IL1R2: variants seen among roughly 807,000 people sequenced by gnomAD.
IL1R2 encodes interleukin 1 receptor type 2.
IL1R2 carries 46 observed loss-of-function variants against 39.5 expected under a neutral mutation model. That is an observed-to-expected ratio of 1.16 (90% CI 0.92 to 1.49). The LOEUF (loss-of-function observed/expected upper bound fraction) is 1.49, where lower values mean the gene tolerates loss of function less well. IL1R2 is among the 40% of genes most tolerant of loss of function. IL1R2 has a pLI of 0.00. For missense variants in IL1R2, 537 were observed against 502.0 expected (o/e 1.07, Z -0.67); for synonymous variants, 207 against 189.6 (o/e 1.09, Z -0.75).
chr2:102,021,339 G>A (rs1228183854), intron 5 of IL1R2, among the ~76,000 whole-genome samples: 2 of 143,906 alleles, frequency 1.4e-5, no homozygotes, highest in Non-Finnish European at 3.0e-5. Context: ...TTTTTGAGGC[G>A]GAGTCTCGCT....
At chr2:101,999,905 T>A (rs964094010) in intron 1 of IL1R2, among the ~76,000 whole-genome samples, 1 of 152,250 alleles carries the variant, frequency 6.6e-6, no homozygotes, top group Admixed American at 6.5e-5. Context: ...AAGTAAATAT[T>A]TATAGAACAC....
chr2:102,022,227 C>T lies in IL1R2; in HGVS notation c.729C>T (p.Leu243=). The stretch of plus-strand genomic sequence containing the variant: ...CCATTCCTGTGATCATTTCCCCCCT[C>T]AAGACCATATCAGCTTCTCTGGGTA... The part of the protein sequence containing the change: ...EETIPVIISP[L]KTISASLGSR... The change falls in exon 6 of 9, where the codon CTC becomes CTT. Residue 243 remains leucine (L), a synonymous_variant. Transcript: ENST00000332549. The T allele has an allele frequency of 1.2e-6, 2 of 1,613,826 alleles. No individual in the cohort carries two copies. Among genetic ancestry groups the T allele is most frequent in the South Asian group, 2.2e-5 (2 of 91,074 alleles).
At chr2:102,009,168 G>A (rs1412636243) in intron 2 of IL1R2, among the ~76,000 whole-genome samples, 2 of 152,182 alleles carry the variant, frequency 1.3e-5, no homozygotes, top group South Asian at 2.1e-4. Flanking sequence ...TTAACCATAC[G>A]ACGTGCCAGA....
At chr2:102,003,457 G>A (rs369702515) in intron 1 of IL1R2, among the ~76,000 whole-genome samples, 1 of 106,532 alleles carries the variant, frequency 9.4e-6, no homozygotes, top group African/African-American at 3.6e-5. Flanking sequence ...TGTGGCTGTG[G>A]CTGTGTCTGT....
At chr2:102,013,954 A>G (rs1676828043) in intron 3 of IL1R2, among the ~76,000 whole-genome samples, 1 of 152,162 alleles carries the variant, frequency 6.6e-6, no homozygotes, top group South Asian at 2.1e-4. Context: ...GGTGAGCAGC[A>G]CTACGAATGA....
At chr2:101,995,104 G>A (rs528055220) in intron 1 of IL1R2, among the ~76,000 whole-genome samples, 3 of 152,328 alleles carry the variant, frequency 2.0e-5, no homozygotes, top group East Asian at 3.9e-4. Context: ...TTCTGTGGAA[G>A]TAATTTAGGT....
At chr2:102,022,040 G>A (rs1577729977) in intron 5 of IL1R2, 147 bp from the exon 6 acceptor site, 5 of 689,550 alleles carry the variant, frequency 7.3e-6, no homozygotes, top group Admixed American at 2.5e-5. Context: ...TAGAGAGCCT[G>A]TTTCCTTTGC....
intron 4 of IL1R2, chr2:102,016,310 T>G (rs1258922228): frequency 6.6e-6 from 2 of 301,098 alleles, no homozygotes; most frequent in Admixed American, 4.7e-5. Context: ...CAGTGCATCA[T>G]CTACTGTCAC....
At position 102,000,260 on chromosome 2, in the gene IL1R2, C is replaced by T. The variant is rs527943922; in HGVS notation, c.-62+8249C>T. ...CTCATTACATATGGTGTGACATCTACTCCTCCTGTAGTGCACACCAGGGTA... is the reference window on the plus strand; with the variant it reads ...CTCATTACATATGGTGTGACATCTATTCCTCCTGTAGTGCACACCAGGGTA... On this transcript the variant is annotated intron_variant, in intron 1 of 8. Transcript: ENST00000332549. Among the ~76,000 whole-genome samples, 5 of 152,334 alleles carry T rather than the reference C, an allele frequency of 3.3e-5. No homozygotes were observed. The Middle Eastern group carries it at 0.017, about 518-fold the overall frequency.
At chr2:101,994,126 T>C (rs1459052586) in intron 1 of IL1R2, among the ~76,000 whole-genome samples, 1 of 152,208 alleles carries the variant, frequency 6.6e-6, no homozygotes, top group East Asian at 1.9e-4. Context: ...TTGGTTACCC[T>C]AAAAGGCAAG....
chr2:102,005,678 C>T (rs759872879), intron 1 of IL1R2, among the ~76,000 whole-genome samples: 38 of 152,208 alleles, frequency 2.5e-4, no homozygotes, highest in Non-Finnish European at 1.2e-4. Flanking sequence ...CATGACACTT[C>T]CACTTACATC....
intron 1 of IL1R2, among the ~76,000 whole-genome samples, chr2:102,000,346 C>T (rs1212577113): frequency 1.3e-5 from 2 of 152,222 alleles, no homozygotes; most frequent in Non-Finnish European, 2.9e-5. Flanking sequence ...GCCCACCACC[C>T]TGCTGCTGGC....
chr2:102,021,408 C>T (rs576005010), intron 5 of IL1R2, among the ~76,000 whole-genome samples: 3 of 151,820 alleles, frequency 2.0e-5, no homozygotes, highest in South Asian at 2.1e-4. Flanking sequence ...CTCTACCTCC[C>T]GGGTTCAAGC....
At chr2:101,997,674 C>T (rs1675659250) in intron 1 of IL1R2, among the ~76,000 whole-genome samples, 1 of 152,208 alleles carries the variant, frequency 6.6e-6, no homozygotes, top group Non-Finnish European at 1.5e-5. Context: ...CTGAATCTCT[C>T]CCATCAGTGA....
At chr2:102,008,725 C>T (rs1676423869) in intron 2 of IL1R2, 83 bp downstream of exon 2, 1 of 1,253,284 alleles carries the variant, frequency 8.0e-7, no homozygotes, top group African/African-American at 1.5e-5. Flanking sequence ...GTTTCCTTGT[C>T]AGAAAGCAAA....
At position 102,008,593 on chromosome 2, in the gene IL1R2, G is replaced by A. The variant is rs753540190; in HGVS notation, c.18G>A (p.Val6=). MLRLY[V]LVMGVSAFTL... is the part of the protein sequence containing the mutation. ...CAGGAGCAATGTTGCGCTTGTACGT[G>A]TTGGTAATGGGAGTTTCTGCCTTCA... The change falls in exon 2 of 9, where the codon GTG becomes GTA. Residue 6 remains valine (V), a synonymous_variant. Coordinates refer to ENST00000332549, the MANE Select transcript of IL1R2 (RefSeq NM_004633.4). The A allele has an allele frequency of 1.2e-6, 2 of 1,614,116 alleles. No individual in the cohort carries two copies. The highest frequency in any genetic ancestry group is 1.7e-6 in the Non-Finnish European group (2 of 1,179,992).
At chr2:101,996,847 A>G (rs1214637752) in intron 1 of IL1R2, among the ~76,000 whole-genome samples, 1 of 151,946 alleles carries the variant, frequency 6.6e-6, no homozygotes, top group Non-Finnish European at 1.5e-5. Flanking sequence ...CGCCAAAAAG[A>G]TACCTTTAAA....
At position 102,028,319 on chromosome 2, in the gene IL1R2, A is replaced by G; in HGVS notation, c.1124A>G (p.His375Arg). The change falls in exon 9 of 9, where the codon CAC (histidine) becomes CGC (arginine). Residue 375 changes from histidine to arginine, a missense_variant. Physicochemically the swap from His to Arg is conservative, Grantham distance 29 (BLOSUM62 0). Coordinates refer to ENST00000332549, the MANE Select transcript of IL1R2 (RefSeq NM_004633.4). ...ATATGGATGCACAGACGGTGCAAAC[A>G]CAGAACTGGAAAAGCAGATGGTCTG... ...GGIWMHRRCK[H>R]RTGKADGLTV... 1 of 1,612,314 alleles carries G rather than the reference A, an allele frequency of 6.2e-7. No homozygotes were observed.
intron 8 of IL1R2, 25 bp downstream of exon 8, chr2:102,026,278 T>A: frequency 6.5e-7 from 1 of 1,550,374 alleles, no homozygotes; most frequent in Non-Finnish European, 8.8e-7. Context: ...TGGGGAGCAC[T>A]ATAGGAGAAT....
Sources: gnomAD v4.1 joint callset for allele counts (sites outside exome capture counted in the v4.1 genomes callset) on GRCh38, gnomAD v4.1.1 for gene constraint, MANE v1.5 for transcripts, NCBI Gene and HGNC (gene_info 2026-07-23, HGNC 2026-07-21) for gene names.